Variants in CIMIP2A observed in about 807,000 individuals in gnomAD.
CIMIP2A encodes ciliary microtubule inner protein 2A.
the CIMIP2A span, chr9:137,247,764 C>T: frequency 6.3e-7 from 1 of 1,583,976 alleles, no homozygotes; most frequent in Non-Finnish European, 8.6e-7. Context: ...CGGCATCCAG[C>T]TCCCTTCCCT....
chr9:137,243,677 C>T, the CIMIP2A span: 5 of 1,613,996 alleles, frequency 3.1e-6, no homozygotes, highest in East Asian at 2.2e-5. Context: ...CCATGCTGTA[C>T]AGACACCACC....
At chr9:137,245,123 G>A in the CIMIP2A span, 3 of 1,601,480 alleles carry the variant, frequency 1.9e-6, no homozygotes, top group South Asian at 2.2e-5. Context: ...GGTTAGGGTG[G>A]TCCAGCTGCG....
the CIMIP2A span, among the ~76,000 whole-genome samples, chr9:137,249,088 C>A: frequency 6.6e-6 from 1 of 151,786 alleles, no homozygotes; most frequent in Non-Finnish European, 1.5e-5. Flanking sequence ...GAACTCCTGA[C>A]CTCGTGATCC....
At chr9:137,245,112 A>T in the CIMIP2A span, 1 of 1,603,826 alleles carries the variant, frequency 6.2e-7, no homozygotes, top group South Asian at 1.1e-5. Flanking sequence ...GCGTTGGATT[A>T]GGTTAGGGTG....
the CIMIP2A span, chr9:137,251,609 T>C: frequency 2.6e-6 from 3 of 1,150,286 alleles, no homozygotes; most frequent in Non-Finnish European, 3.6e-6. Context: ...AGGGACAGTG[T>C]GGGGACAGGC....
the CIMIP2A span, chr9:137,252,437 A>C: frequency 6.2e-7 from 1 of 1,609,284 alleles, no homozygotes; most frequent in African/African-American, 1.3e-5. Context: ...CCAACTACAG[A>C]GGGCGGTGGC....
the CIMIP2A span, chr9:137,251,457 A>G: frequency 7.6e-7 from 1 of 1,312,528 alleles, no homozygotes; most frequent in Non-Finnish European, 1.1e-6. Context: ...GGGCTGAGGG[A>G]CAGTGTGGGG....
the CIMIP2A span, among the ~76,000 whole-genome samples, chr9:137,249,107 C>T: frequency 2.6e-5 from 4 of 151,902 alleles, no homozygotes; most frequent in South Asian, 2.1e-4. Flanking sequence ...CCGCCCACCT[C>T]GGCCTCCCAA....
the CIMIP2A span, chr9:137,244,710 T>C: frequency 6.2e-7 from 1 of 1,613,486 alleles, no homozygotes; most frequent in Non-Finnish European, 8.5e-7. Flanking sequence ...ATTACCCAGG[T>C]GAAACGGGGA....
the CIMIP2A span, chr9:137,253,433 C>A: frequency 1.4e-6 from 2 of 1,441,688 alleles, no homozygotes; most frequent in Non-Finnish European, 9.1e-7. Context: ...CAGCCTGGAT[C>A]CCCCATCTGC....
At chr9:137,254,686 CG>C in the CIMIP2A span, among the ~76,000 whole-genome samples, 1 of 151,880 alleles carries the variant, frequency 6.6e-6, no homozygotes, top group Admixed American at 6.6e-5. Flanking sequence ...GCTGGAGAGG[CG>C]GGGAGGCCCG....
At chr9:137,245,840 A>G in the CIMIP2A span, 3 of 1,508,240 alleles carry the variant, frequency 2.0e-6, no homozygotes, top group Non-Finnish European at 1.8e-6. Flanking sequence ...AGCTGCGGAA[A>G]GAAGCCGGCA....
the CIMIP2A span, chr9:137,251,912 G>A: frequency 6.2e-7 from 1 of 1,602,886 alleles, no homozygotes. Flanking sequence ...GAGGGTCCTG[G>A]CCACCCCACC....
chr9:137,244,220 G>A, the CIMIP2A span: 1 of 1,613,950 alleles, frequency 6.2e-7, no homozygotes, highest in Non-Finnish European at 8.5e-7. Flanking sequence ...TGCTGTAGAT[G>A]TGGTTGCTGG....
At chr9:137,252,699 C>CGG in the CIMIP2A span, 1 of 1,550,910 alleles carries the variant, frequency 6.4e-7, no homozygotes, top group African/African-American at 1.4e-5. Flanking sequence ...CTCAGCCGGC[C>CGG]CGCCTTCCCC....
the CIMIP2A span, chr9:137,252,787 G>C: frequency 1.3e-6 from 2 of 1,562,708 alleles, no homozygotes; most frequent in African/African-American, 2.7e-5. Flanking sequence ...CTGGGGCTAG[G>C]GGGCTGGGCC....
At chr9:137,245,614 G>A in the CIMIP2A span, 1 of 1,612,288 alleles carries the variant, frequency 6.2e-7, no homozygotes, top group Non-Finnish European at 8.5e-7. Context: ...ACAGGAGGGT[G>A]CAGGGCTGGG....
At chr9:137,245,487 C>T in the CIMIP2A span, 13 of 1,613,746 alleles carry the variant, frequency 8.1e-6, no homozygotes, top group Middle Eastern at 1.7e-4. Flanking sequence ...CTACCCCTGG[C>T]GGCTCCTGGG....
chr9:137,252,279 G>A, the CIMIP2A span: 29 of 1,341,454 alleles, frequency 2.2e-5, no homozygotes, highest in African/African-American at 1.6e-4. Context: ...GCACCTGTAA[G>A]GAGGCCTGGA....
Sources: gnomAD v4.1 joint callset for allele counts (sites outside exome capture counted in the v4.1 genomes callset) on GRCh38, gnomAD v4.1.1 for gene constraint, MANE v1.5 for transcripts, NCBI Gene and HGNC (gene_info 2026-07-23, HGNC 2026-07-21) for gene names.